Variants in AOAH observed in about 807,000 individuals in gnomAD.
AOAH encodes acyloxyacyl hydrolase, also known as acyloxyacyl hydrolase (neutrophil).
AOAH carries 64 observed loss-of-function variants against 92.2 expected under a neutral mutation model. The observed-to-expected ratio is 0.69, with a 90% CI of 0.57 to 0.86. AOAH has a LOEUF of 0.86. AOAH is among the 40% of genes least tolerant of loss of function. The pLI is 0.00. For missense variants in AOAH, 656 were observed against 694.6 expected (o/e 0.94, Z 0.62); for synonymous variants, 263 against 254.5 (o/e 1.03, Z -0.32).
intron 1 of AOAH, among the ~76,000 whole-genome samples, chr7:36,687,425 C>T (rs1168005933): frequency 6.6e-6 from 1 of 152,046 alleles, no homozygotes; most frequent in Non-Finnish European, 1.5e-5. Context: ...GAATATATTC[C>T]TTCTGTTACT....
At chr7:36,529,057 C>A (rs546367580) in intron 19 of AOAH, among the ~76,000 whole-genome samples, 2 of 152,000 alleles carry the variant, frequency 1.3e-5, no homozygotes, top group Non-Finnish European at 2.9e-5. Context: ...TTTCTGTGTA[C>A]CAGGCATAAC....
chr7:36,657,298 G>T (rs1047397160), intron 4 of AOAH, among the ~76,000 whole-genome samples: 1 of 152,046 alleles, frequency 6.6e-6, no homozygotes, highest in African/African-American at 2.4e-5. Context: ...TTCTTTCCTC[G>T]GGAAGTGACT....
chr7:36,533,461 C>T (rs1784818129), intron 16 of AOAH, among the ~76,000 whole-genome samples: 1 of 152,048 alleles, frequency 6.6e-6, no homozygotes, highest in South Asian at 2.1e-4. Flanking sequence ...GAGTGAGTCC[C>T]AAGACAGGAA....
At chr7:36,531,842 T>TTGTGTGTG (rs3837108) in intron 18 of AOAH, among the ~76,000 whole-genome samples, 6,763 of 150,554 alleles carry the variant, frequency 0.045, 280 homozygotes, top group African/African-American at 0.095. Context: ...CTTTAAGAGG[T>TTGTGTGTG]TGTGTGTGTG....
At chr7:36,708,876 G>A (rs930608100) in intron 1 of AOAH, among the ~76,000 whole-genome samples, 13 of 152,112 alleles carry the variant, frequency 8.5e-5, no homozygotes, top group African/African-American at 2.9e-4. Context: ...GTAAGGTGTG[G>A]TAACCCTACA....
chr7:36,540,234 A>G (rs1785329199), intron 16 of AOAH, 85 bp downstream of exon 16: 1 of 1,303,004 alleles, frequency 7.7e-7, no homozygotes, highest in African/African-American at 1.5e-5. Flanking sequence ...TTTTAGGCAC[A>G]TTTCTATATG....
intron 1 of AOAH, among the ~76,000 whole-genome samples, chr7:36,703,453 G>T (rs1798160412): frequency 1.3e-5 from 2 of 152,146 alleles, no homozygotes; most frequent in Non-Finnish European, 2.9e-5. Flanking sequence ...GCTCAGGTTT[G>T]TTACATGGGT....
intron 6 of AOAH, among the ~76,000 whole-genome samples, chr7:36,628,852 C>A (rs975307314): frequency 6.6e-6 from 1 of 152,322 alleles, no homozygotes; most frequent in South Asian, 2.1e-4. Flanking sequence ...GTGGGTCAGG[C>A]ATTTAAAACC....
chr7:36,640,366 G>C (rs1196280447), intron 4 of AOAH, among the ~76,000 whole-genome samples: 1 of 152,256 alleles, frequency 6.6e-6, no homozygotes, highest in Non-Finnish European at 1.5e-5. Context: ...GCAAGATGCA[G>C]TTTGGGTAAC....
At chr7:36,645,217 C>T (rs1047852628) in intron 4 of AOAH, among the ~76,000 whole-genome samples, 2 of 152,258 alleles carry the variant, frequency 1.3e-5, no homozygotes, top group South Asian at 4.2e-4. Flanking sequence ...GGTCATGAGG[C>T]TGGAGCCCTC....
chr7:36,653,863 T>A (rs1350781096), intron 4 of AOAH, among the ~76,000 whole-genome samples: 1 of 152,112 alleles, frequency 6.6e-6, no homozygotes, highest in Non-Finnish European at 1.5e-5. Flanking sequence ...TGCCTGGAGA[T>A]CTCAAGTTCA....
chr7:36,610,311 G>T (rs1052673882), intron 11 of AOAH, among the ~76,000 whole-genome samples: 5 of 151,814 alleles, frequency 3.3e-5, no homozygotes, highest in Admixed American at 2.6e-4. Context: ...AAATACTTAT[G>T]AATTGAATAA....
chr7:36,682,373 CTCTCTT>C (rs1796707538), intron 2 of AOAH, among the ~76,000 whole-genome samples: 1 of 150,978 alleles, frequency 6.6e-6, no homozygotes, highest in Non-Finnish European at 1.5e-5. Context: ...CCCGAACCGC[CTCTCTT>C]TCTAAGAGTT....
intron 19 of AOAH, among the ~76,000 whole-genome samples, chr7:36,525,951 GA>G (rs1225704667): frequency 6.6e-6 from 1 of 152,128 alleles, no homozygotes; most frequent in Non-Finnish European, 1.5e-5. Flanking sequence ...AAAGAGGAGG[GA>G]TATTTACTTG....
chr7:36,585,799 A>G (rs982359285), intron 12 of AOAH, among the ~76,000 whole-genome samples: 4 of 152,230 alleles, frequency 2.6e-5, no homozygotes, highest in African/African-American at 9.6e-5. Context: ...GAATCACACT[A>G]AACTGATCAC....
chr7:36,667,882 G>C (rs1795642373), intron 3 of AOAH, among the ~76,000 whole-genome samples: 1 of 152,060 alleles, frequency 6.6e-6, no homozygotes, highest in Admixed American at 6.5e-5. Flanking sequence ...TCTTTCTTTT[G>C]ATTAATGCTA....
chr7:36,664,700 G>A (rs148632614), intron 3 of AOAH, among the ~76,000 whole-genome samples: 25 of 152,082 alleles, frequency 1.6e-4, no homozygotes, highest in African/African-American at 5.8e-4. Flanking sequence ...CATGTGTTAG[G>A]CTGTTTTGCA....
intron 13 of AOAH, among the ~76,000 whole-genome samples, chr7:36,572,114 C>A (rs760008084): frequency 4.6e-5 from 7 of 151,720 alleles, no homozygotes; most frequent in African/African-American, 1.2e-4. Flanking sequence ...TCACATGTAC[C>A]CTGAAGATCT....
intron 1 of AOAH, among the ~76,000 whole-genome samples, chr7:36,706,940 G>A (rs527325021): frequency 1.3e-5 from 2 of 152,194 alleles, no homozygotes; most frequent in Admixed American, 1.3e-4. Flanking sequence ...TCTAGACCAT[G>A]AAAAGTTTTC....
Sources: gnomAD v4.1 joint callset for allele counts (sites outside exome capture counted in the v4.1 genomes callset) on GRCh38, gnomAD v4.1.1 for gene constraint, MANE v1.5 for transcripts, NCBI Gene and HGNC (gene_info 2026-07-23, HGNC 2026-07-21) for gene names.